SCMH1: variants seen among roughly 807,000 people sequenced by gnomAD.
The protein encoded by SCMH1 is polycomb protein SCMH1.
In SCMH1, 37 loss-of-function variants were observed where a neutral mutation model predicts 70.8. The ratio of observed to expected loss-of-function variants is 0.52; its 90% CI spans 0.40 to 0.69. The LOEUF (loss-of-function observed/expected upper bound fraction) is 0.69, where lower values mean the gene tolerates loss of function less well. Ranked by LOEUF, SCMH1 falls within the 30% of genes least tolerant of loss-of-function variation. The probability of loss-of-function intolerance (pLI) is 0.00; values close to 1 mark genes in which losing one functional copy is unlikely to be tolerated. For synonymous variants in SCMH1, 292 were observed against 307.4 expected (o/e 0.95, Z 0.52); for missense variants, 607 against 827.3 (o/e 0.73, Z 3.27).
intron 8 of SCMH1, among the ~76,000 whole-genome samples, chr1:41,107,434 G>A (rs1372612429): frequency 6.6e-6 from 1 of 151,840 alleles, no homozygotes; most frequent in Non-Finnish European, 1.5e-5. Flanking sequence ...AGTCTATCAG[G>A]TGACCTCATG....
At chr1:41,031,983 T>C (rs1246351183) in intron 13 of SCMH1, among the ~76,000 whole-genome samples, 1 of 151,728 alleles carries the variant, frequency 6.6e-6, no homozygotes, top group Non-Finnish European at 1.5e-5. Context: ...CCCTCATGAA[T>C]GAGATTAGTA....
chr1:41,121,897 C>T (rs1354291516), intron 6 of SCMH1, among the ~76,000 whole-genome samples: 1 of 152,088 alleles, frequency 6.6e-6, no homozygotes, highest in African/African-American at 2.4e-5. Context: ...TTGATTCTTC[C>T]CTTTCTATCA....
intron 4 of SCMH1, among the ~76,000 whole-genome samples, chr1:41,155,510 A>T (rs12741932): frequency 2.0e-5 from 3 of 152,040 alleles, no homozygotes; most frequent in South Asian, 4.2e-4. Context: ...TGGAGCAAAA[A>T]CAAACAAACA....
intron 8 of SCMH1, among the ~76,000 whole-genome samples, chr1:41,077,383 T>C (rs1180370515): frequency 6.6e-6 from 1 of 152,162 alleles, no homozygotes; most frequent in Non-Finnish European, 1.5e-5. Context: ...TCTCATTGGG[T>C]ATCTGCTGAA....
intron 8 of SCMH1, among the ~76,000 whole-genome samples, chr1:41,090,052 A>G (rs1662954382): frequency 6.6e-6 from 1 of 151,800 alleles, no homozygotes; most frequent in African/African-American, 2.4e-5. Flanking sequence ...TCACTCTCCC[A>G]AAGTGCTGGG....
intron 1 of SCMH1, among the ~76,000 whole-genome samples, chr1:41,206,538 G>T (rs1259690991): frequency 6.6e-6 from 1 of 152,194 alleles, no homozygotes; most frequent in East Asian, 1.9e-4. Flanking sequence ...AATAAATATG[G>T]GACTATGTGA....
chr1:41,131,891 T>C lies in SCMH1; in HGVS notation c.412+10987A>G, dbSNP rs377428747. Among the ~76,000 whole-genome samples the C allele has an allele frequency of 1.1e-4, 16 of 152,380 alleles. No individual in the cohort carries two copies. In the East Asian group the frequency reaches 2.3e-3, roughly 22 times the overall value. ...AAAGGACATGAACTCATCCTTTTTATGGCTGCATAGTATTCCATGGTGTAT... is the reference window on the plus strand; with the variant it reads ...AAAGGACATGAACTCATCCTTTTTACGGCTGCATAGTATTCCATGGTGTAT... On this transcript the variant is annotated intron_variant, in intron 6 of 14. Coordinates refer to ENST00000337495, the Ensembl canonical transcript of SCMH1.
chr1:41,239,061 A>G (rs1006190290), intron 1 of SCMH1, among the ~76,000 whole-genome samples: 3 of 152,168 alleles, frequency 2.0e-5, no homozygotes, highest in African/African-American at 4.8e-5. Context: ...ACCACATTTT[A>G]AAAATGTTAC....
At chr1:41,132,860 G>A (rs534292212) in intron 6 of SCMH1, among the ~76,000 whole-genome samples, 1 of 152,232 alleles carries the variant, frequency 6.6e-6, no homozygotes, top group South Asian at 2.1e-4. Flanking sequence ...GTAGATGTGT[G>A]GTATTATTTC....
chr1:41,102,284 T>C (rs773173441), intron 8 of SCMH1, among the ~76,000 whole-genome samples: 3 of 152,218 alleles, frequency 2.0e-5, no homozygotes, highest in Admixed American at 6.5e-5. Flanking sequence ...GGAATCTTAT[T>C]TTTCATTCAC....
chr1:41,066,531 G>A (rs1654651197), intron 10 of SCMH1, among the ~76,000 whole-genome samples: 1 of 152,110 alleles, frequency 6.6e-6, no homozygotes, highest in Non-Finnish European at 1.5e-5. Flanking sequence ...TTTTCTAAGT[G>A]GAGGAGGTGA....
chr1:41,088,558 C>A (rs1662397694), intron 8 of SCMH1, among the ~76,000 whole-genome samples: 1 of 152,110 alleles, frequency 6.6e-6, no homozygotes, highest in Non-Finnish European at 1.5e-5. Flanking sequence ...GCCTCGGACT[C>A]CTAGGCTCAA....
intron 8 of SCMH1, among the ~76,000 whole-genome samples, chr1:41,085,610 G>A (rs1035676880): frequency 6.6e-6 from 1 of 152,076 alleles, no homozygotes; most frequent in Non-Finnish European, 1.5e-5. Context: ...CAGGGTATGC[G>A]CCATCCAAAA....
At chr1:41,168,010 G>A (rs1476076045) in intron 2 of SCMH1, among the ~76,000 whole-genome samples, 1 of 150,920 alleles carries the variant, frequency 6.6e-6, no homozygotes, top group Non-Finnish European at 1.5e-5. Flanking sequence ...TGGCCTTAGG[G>A]TGGTTCCCTT....
chr1:41,171,982 A>G (rs1038840923), intron 2 of SCMH1, among the ~76,000 whole-genome samples: 3 of 152,170 alleles, frequency 2.0e-5, no homozygotes, highest in African/African-American at 7.2e-5. Flanking sequence ...ACTTGAGCCC[A>G]GGACTTCAAG....
rs34257855 is a variant in SCMH1 at position 41,221,893 on chromosome 1, C to CAA, written c.-118+20164_-118+20165dup. Among the ~76,000 whole-genome samples, 81 of 45,058 alleles carry CAA rather than the reference C, an allele frequency of 1.8e-3. 9 individuals carry two copies. The highest frequency in any genetic ancestry group is 0.01 in the East Asian group (11 of 1,056). 29.6% of individuals were successfully genotyped at this position (45,058 alleles called of 152,430 possible). Reference sequence around the variant, plus strand: ...TGGGTGACAGAGCAAGACTCCGTCTCAAAAAAAAAAAAAAAAAAAAAAAAA... The same window carrying CAA: ...TGGGTGACAGAGCAAGACTCCGTCTCAAAAAAAAAAAAAAAAAAAAAAAAAAA... On this transcript the variant is annotated intron_variant, in intron 1 of 14. Coordinates refer to ENST00000337495, the Ensembl canonical transcript of SCMH1.
intron 5 of SCMH1, among the ~76,000 whole-genome samples, chr1:41,146,642 G>A (rs1337530229): frequency 6.6e-6 from 1 of 152,124 alleles, no homozygotes; most frequent in African/African-American, 2.4e-5. Context: ...ATAGTAATAT[G>A]CTGGACAGTT....
intron 8 of SCMH1, among the ~76,000 whole-genome samples, chr1:41,106,673 A>G (rs1668008984): frequency 6.6e-6 from 1 of 151,458 alleles, no homozygotes. Context: ...ACACCCTACA[A>G]TCTAGCCATT....
At chr1:41,237,220 C>T (rs1662562383) in intron 1 of SCMH1, among the ~76,000 whole-genome samples, 1 of 152,106 alleles carries the variant, frequency 6.6e-6, no homozygotes, top group Non-Finnish European at 1.5e-5. Context: ...ATAAAAAAGA[C>T]AGAATTTGAA....
Sources: allele counts gnomAD v4.1 joint callset (sites outside exome capture counted in the v4.1 genomes callset), GRCh38; gene constraint gnomAD v4.1.1; transcripts MANE v1.5; gene names NCBI Gene and HGNC (gene_info 2026-07-23, HGNC 2026-07-21).